The following SYTL3 variants were observed in gnomAD, a reference collection of about 807,000 sequenced individuals.
The protein encoded by SYTL3 is synaptotagmin like 3, also known as synaptotagmin-like protein 3.
In SYTL3, 88 loss-of-function variants were observed where a neutral mutation model predicts 82.1. The observed-to-expected ratio is 1.07, with a 90% CI of 0.90 to 1.28. SYTL3 has a LOEUF of 1.28. Among genes scored for constraint, SYTL3 ranks in the 50% most tolerant of loss-of-function variants. SYTL3 has a pLI of 0.00. For missense variants in SYTL3, 831 were observed against 757.6 expected (o/e 1.10, Z -1.14); for synonymous variants, 311 against 289.4 (o/e 1.07, Z -0.76).
chr6:158,682,285 ATTTG>A (rs1778781471), intron 5 of SYTL3, among the ~76,000 whole-genome samples: 1 of 147,756 alleles, frequency 6.8e-6, no homozygotes, highest in South Asian at 2.1e-4. Context: ...CTCTTTGTGT[ATTTG>A]TTCACAAAAT....
At chr6:158,711,121 G>T (rs79365443) in intron 8 of SYTL3, among the ~76,000 whole-genome samples, 2,925 of 152,256 alleles carry the variant, frequency 0.019, 39 homozygotes, top group Non-Finnish European at 0.03. Flanking sequence ...CATTTGAAAG[G>T]CTGGTTCTTG....
intron 12 of SYTL3, among the ~76,000 whole-genome samples, chr6:158,748,159 A>T (rs1169494046): frequency 1.3e-5 from 2 of 150,808 alleles, no homozygotes; most frequent in African/African-American, 4.9e-5. Flanking sequence ...CAGGGGCCTC[A>T]GTTTTGCCTT....
At chr6:158,670,520 G>A (rs1013181773) in intron 5 of SYTL3, among the ~76,000 whole-genome samples, 1 of 152,098 alleles carries the variant, frequency 6.6e-6, no homozygotes, top group African/African-American at 2.4e-5. Context: ...GGTGGCTCAT[G>A]CCTGTAATCC....
intron 14 of SYTL3, among the ~76,000 whole-genome samples, chr6:158,757,954 G>C (rs1396601865): frequency 6.6e-6 from 1 of 152,194 alleles, no homozygotes; most frequent in Non-Finnish European, 1.5e-5. Context: ...GGGTGGGTCA[G>C]AGGAGCTGAT....
intron 10 of SYTL3, among the ~76,000 whole-genome samples, chr6:158,723,655 G>C (rs1423735217): frequency 6.6e-6 from 1 of 152,174 alleles, no homozygotes; most frequent in African/African-American, 2.4e-5. Flanking sequence ...CTTTCTTCTA[G>C]TAAAACTCAA....
At chr6:158,762,203 T>G (rs1170303098) in intron 16 of SYTL3, 25 bp downstream of exon 16, 1 of 1,528,104 alleles carries the variant, frequency 6.5e-7, no homozygotes, top group East Asian at 2.2e-5. Context: ...TAATCAAATA[T>G]TTATTGGTGA....
intron 6 of SYTL3, among the ~76,000 whole-genome samples, chr6:158,704,160 A>C (rs1488411140): frequency 2.7e-5 from 4 of 149,670 alleles, no homozygotes; most frequent in South Asian, 4.3e-4. Flanking sequence ...AAAAAAAAAA[A>C]CAAAAGAATA....
intron 5 of SYTL3, among the ~76,000 whole-genome samples, chr6:158,671,535 C>T (rs763036215): frequency 2.0e-5 from 3 of 151,730 alleles, no homozygotes; most frequent in Non-Finnish European, 4.4e-5. Context: ...GAGGCTGAGG[C>T]GGGTAGATCA....
intron 13 of SYTL3, 60 bp downstream of exon 13, chr6:158,752,090 G>C: frequency 8.0e-7 from 1 of 1,252,080 alleles, no homozygotes. Flanking sequence ...GAGCGCCTGG[G>C]GCAGAGTCCA....
chr6:158,733,783 C>T (rs1012749232), intron 11 of SYTL3, among the ~76,000 whole-genome samples: 96 of 151,826 alleles, frequency 6.3e-4, no homozygotes, highest in African/African-American at 2.0e-3. Context: ...GGTGTGCTCT[C>T]GCCATTGTTC....
At chr6:158,670,730 G>A (rs764496282) in intron 5 of SYTL3, among the ~76,000 whole-genome samples, 77 of 152,054 alleles carry the variant, frequency 5.1e-4, no homozygotes, top group Middle Eastern at 3.4e-3. Flanking sequence ...TGCAATGAGC[G>A]GAGATCACAC....
chr6:158,721,155 C>T (rs1185056542), intron 10 of SYTL3, among the ~76,000 whole-genome samples: 1 of 152,172 alleles, frequency 6.6e-6, no homozygotes, highest in Admixed American at 6.6e-5. Flanking sequence ...TTGGCAGGAA[C>T]GCTTCCAACT....
At chr6:158,675,014 A>G (rs1338347430) in intron 5 of SYTL3, among the ~76,000 whole-genome samples, 2 of 152,108 alleles carry the variant, frequency 1.3e-5, no homozygotes, top group Non-Finnish European at 2.9e-5. Context: ...ATATGTAGAA[A>G]GCTGAAACTG....
At chr6:158,673,502 C>T (rs1242943202) in intron 5 of SYTL3, among the ~76,000 whole-genome samples, 1 of 146,374 alleles carries the variant, frequency 6.8e-6, no homozygotes, top group Non-Finnish European at 1.5e-5. Context: ...TGCAGTGGGG[C>T]GATCTCGGCT....
At chr6:158,653,205 G>A (rs944958356) in intron 2 of SYTL3, among the ~76,000 whole-genome samples, 1 of 151,926 alleles carries the variant, frequency 6.6e-6, no homozygotes, top group South Asian at 2.1e-4. Context: ...ATCAGCTTCC[G>A]TAAAGAATCT....
intron 6 of SYTL3, among the ~76,000 whole-genome samples, chr6:158,697,615 A>T (rs556650084): frequency 3.3e-5 from 5 of 152,328 alleles, no homozygotes; most frequent in African/African-American, 9.6e-5. Flanking sequence ...TAAGCAACAG[A>T]ATGAGAGAAA....
intron 8 of SYTL3, among the ~76,000 whole-genome samples, chr6:158,708,795 C>T (rs746058828): frequency 9.9e-5 from 15 of 152,002 alleles, no homozygotes; most frequent in Non-Finnish European, 2.2e-4. Context: ...GTACAGTGGA[C>T]CAGCACCATT....
intron 3 of SYTL3, 50 bp downstream of exon 3, chr6:158,661,435 A>T (rs1373367522): frequency 3.3e-5 from 5 of 152,208 alleles, no homozygotes; most frequent in African/African-American, 1.2e-4. Context: ...TCATCTAGAG[A>T]GGAGGCCTTT....
At chr6:158,754,824 TGAGC>T (rs1317399759) in intron 13 of SYTL3, among the ~76,000 whole-genome samples, 2 of 152,198 alleles carry the variant, frequency 1.3e-5, no homozygotes, top group Non-Finnish European at 2.9e-5. Context: ...GAGAAGTGGC[TGAGC>T]GTCGCCCACA....
Sources: allele counts gnomAD v4.1 joint callset (sites outside exome capture counted in the v4.1 genomes callset), GRCh38; gene constraint gnomAD v4.1.1; transcripts MANE v1.5; gene names NCBI Gene and HGNC (gene_info 2026-07-23, HGNC 2026-07-21).